The following TBC1D22A variants were observed in gnomAD, a reference collection of about 807,000 sequenced individuals.
The protein encoded by TBC1D22A is TBC1 domain family member 22A, also known as putative GTPase activator.
A neutral mutation model predicts 60.2 loss-of-function variants in TBC1D22A; 38 were observed. The ratio of observed to expected loss-of-function variants is 0.63; its 90% CI spans 0.49 to 0.83. The LOEUF (loss-of-function observed/expected upper bound fraction) is 0.83. TBC1D22A is among the 40% of genes least tolerant of loss of function. TBC1D22A has a pLI of 0.00. For synonymous variants in TBC1D22A, 302 were observed against 281.7 expected (o/e 1.07, Z -0.72); for missense variants, 628 against 701.0 (o/e 0.90, Z 1.18).
chr22:47,129,488 A>G (rs1484894248), intron 12 of TBC1D22A, among the ~76,000 whole-genome samples: 2 of 152,202 alleles, frequency 1.3e-5, no homozygotes, highest in African/African-American at 4.8e-5. Flanking sequence ...TAAACAAACA[A>G]AAAAACAAAA....
At chr22:47,137,751 G>C (rs930789299) in intron 12 of TBC1D22A, among the ~76,000 whole-genome samples, 1 of 152,194 alleles carries the variant, frequency 6.6e-6, no homozygotes, top group Non-Finnish European at 1.5e-5. Flanking sequence ...TGGGAAAATC[G>C]TCATGAAAAT....
chr22:47,141,832 T>C (rs1247713213), intron 12 of TBC1D22A, among the ~76,000 whole-genome samples: 1 of 152,260 alleles, frequency 6.6e-6, no homozygotes, highest in Non-Finnish European at 1.5e-5. Flanking sequence ...ACTACAGTTT[T>C]TTAATATCAA....
intron 4 of TBC1D22A, among the ~76,000 whole-genome samples, chr22:46,867,573 A>G (rs192624774): frequency 1.2e-4 from 19 of 152,380 alleles, no homozygotes; most frequent in Admixed American, 7.8e-4. Flanking sequence ...AGTCTTCCAC[A>G]TCGATAAATG....
chr22:46,885,193 ATGT>A (rs1326913490), intron 5 of TBC1D22A, among the ~76,000 whole-genome samples: 1 of 152,088 alleles, frequency 6.6e-6, no homozygotes, highest in Non-Finnish European at 1.5e-5. Flanking sequence ...GGGTGAATGA[ATGT>A]TGTTGTTGTG....
At chr22:47,171,579 A>AC (rs2068454175) in intron 12 of TBC1D22A, among the ~76,000 whole-genome samples, 1 of 151,412 alleles carries the variant, frequency 6.6e-6, no homozygotes, top group Non-Finnish European at 1.5e-5. Context: ...TCTTCTGAGA[A>AC]CCCCCACTGC....
chr22:47,022,236 C>T (rs182138312), intron 10 of TBC1D22A, among the ~76,000 whole-genome samples: 1 of 152,210 alleles, frequency 6.6e-6, no homozygotes, highest in Admixed American at 6.5e-5. Flanking sequence ...GGAGCTGACT[C>T]ACTCTGCTGC....
At chr22:46,901,497 G>A (rs929304817) in intron 7 of TBC1D22A, among the ~76,000 whole-genome samples, 1 of 152,200 alleles carries the variant, frequency 6.6e-6, no homozygotes, top group African/African-American at 2.4e-5. Flanking sequence ...TAACGTATTT[G>A]AATGAGGTGA....
intron 11 of TBC1D22A, among the ~76,000 whole-genome samples, chr22:47,092,842 G>A (rs2065030556): frequency 6.6e-6 from 1 of 152,212 alleles, no homozygotes; most frequent in Non-Finnish European, 1.5e-5. Flanking sequence ...CTTTGAATTT[G>A]CCAAGAACAT....
intron 4 of TBC1D22A, among the ~76,000 whole-genome samples, chr22:46,829,098 T>G (rs1219575789): frequency 6.6e-6 from 1 of 152,208 alleles, no homozygotes; most frequent in Non-Finnish European, 1.5e-5. Flanking sequence ...GTTTCCCTGC[T>G]TCGCTTCTGT....
chr22:46,900,846 C>T (rs987393206), intron 7 of TBC1D22A, among the ~76,000 whole-genome samples: 2 of 152,204 alleles, frequency 1.3e-5, no homozygotes, highest in Admixed American at 1.3e-4. Flanking sequence ...TAAATTTTCT[C>T]TAAACCTTCA....
chr22:47,150,859 C>G (rs2067474417), intron 12 of TBC1D22A, among the ~76,000 whole-genome samples: 2 of 152,218 alleles, frequency 1.3e-5, no homozygotes, highest in East Asian at 1.9e-4. Flanking sequence ...ACCTCCGCCC[C>G]CACCACCCTG....
At chr22:46,799,465 T>G (rs2084803967) in intron 4 of TBC1D22A, among the ~76,000 whole-genome samples, 1 of 152,216 alleles carries the variant, frequency 6.6e-6, no homozygotes, top group Non-Finnish European at 1.5e-5. Flanking sequence ...AGCACAGGGG[T>G]CACAATCAGG....
chr22:46,841,073 T>TGTGTGTGTGAGA (rs35099198), intron 4 of TBC1D22A, among the ~76,000 whole-genome samples: 2 of 148,568 alleles, frequency 1.3e-5, no homozygotes, highest in South Asian at 2.1e-4. Context: ...TGTGTGTGTG[T>TGTGTGTGTGAGA]GAGAGAGAGA....
At chr22:46,766,234 T>C (rs2083283296) in intron 1 of TBC1D22A, among the ~76,000 whole-genome samples, 1 of 152,106 alleles carries the variant, frequency 6.6e-6, no homozygotes, top group African/African-American at 2.4e-5. Flanking sequence ...CCTGACCTTG[T>C]GATCCTCCTG....
chr22:47,151,522 G>T (rs1182843130), intron 12 of TBC1D22A, among the ~76,000 whole-genome samples: 1 of 152,228 alleles, frequency 6.6e-6, no homozygotes, highest in Non-Finnish European at 1.5e-5. Context: ...TTTAAAGGTA[G>T]CCTTGGAAGC....
chr22:47,007,042 G>A (rs145674518), intron 10 of TBC1D22A, among the ~76,000 whole-genome samples: 2 of 152,284 alleles, frequency 1.3e-5, no homozygotes, highest in African/African-American at 4.8e-5. Context: ...CCATGTGCTC[G>A]ATGGTGCGGT....
At chr22:46,836,778 A>T (rs1452720499) in intron 4 of TBC1D22A, among the ~76,000 whole-genome samples, 2 of 152,210 alleles carry the variant, frequency 1.3e-5, no homozygotes, top group Non-Finnish European at 2.9e-5. Flanking sequence ...AAGTGAAGGG[A>T]TAGAAAAAGA....
At chr22:46,900,232 A>G (rs1602379869) in intron 7 of TBC1D22A, among the ~76,000 whole-genome samples, 1 of 151,006 alleles carries the variant, frequency 6.6e-6, no homozygotes, top group East Asian at 1.9e-4. Context: ...GCTCACTGCA[A>G]CCTCCGCCTC....
intron 4 of TBC1D22A, among the ~76,000 whole-genome samples, chr22:46,847,210 C>T (rs1011988941): frequency 7.9e-5 from 12 of 152,200 alleles, no homozygotes; most frequent in Non-Finnish European, 1.5e-4. Context: ...ATTAGTTTGA[C>T]ATTTAGATTC....
Sources: gnomAD v4.1 joint callset for allele counts (sites outside exome capture counted in the v4.1 genomes callset) on GRCh38, gnomAD v4.1.1 for gene constraint, MANE v1.5 for transcripts, NCBI Gene and HGNC (gene_info 2026-07-23, HGNC 2026-07-21) for gene names.